The following EYS variants were observed in gnomAD, a reference collection of about 807,000 sequenced individuals.
EYS encodes EGF-like photoreceptor maintenance factor, also known as protein eyes shut homolog.
EYS carries 250 observed loss-of-function variants against 282.1 expected under a neutral mutation model. That is an observed-to-expected ratio of 0.89 (90% CI 0.80 to 0.98). The LOEUF is 0.98. Among genes scored for constraint, EYS ranks in the 50% least tolerant of loss-of-function variants. The pLI is 0.00. For synonymous variants in EYS, 1,355 were observed against 1,282.9 expected, an observed-to-expected ratio of 1.06 and a Z score of -1.20; for missense variants, 4,016 against 3,709.0, an observed-to-expected ratio of 1.08 and a Z score of -2.15.
intron 22 of EYS, among the ~76,000 whole-genome samples, chr6:64,802,139 T>C (rs747558808): frequency 1.1e-4 from 16 of 143,732 alleles, no homozygotes; most frequent in Non-Finnish European, 1.7e-4. Flanking sequence ...GTTCACGCCA[T>C]TCTCCTGCCT....
At chr6:64,596,991 A>G (rs1295836376) in intron 24 of EYS, among the ~76,000 whole-genome samples, 1 of 152,188 alleles carries the variant, frequency 6.6e-6, no homozygotes, top group African/African-American at 2.4e-5. Flanking sequence ...AAAATTTTAC[A>G]AGGACCTCAA....
intron 22 of EYS, among the ~76,000 whole-genome samples, chr6:64,788,335 A>G (rs1211424013): frequency 6.6e-6 from 1 of 152,064 alleles, no homozygotes; most frequent in Non-Finnish European, 1.5e-5. Context: ...AGTGACTGTG[A>G]TCTGGCAGCT....
chr6:65,457,912 C>A (rs1764686790), intron 5 of EYS, among the ~76,000 whole-genome samples: 1 of 152,100 alleles, frequency 6.6e-6, no homozygotes, highest in Admixed American at 6.6e-5. Context: ...TCAAGCTCAG[C>A]AAGTACAAAA....
chr6:64,342,862 T>C (rs1771183074), intron 29 of EYS, among the ~76,000 whole-genome samples: 1 of 151,954 alleles, frequency 6.6e-6, no homozygotes, highest in East Asian at 1.9e-4. Flanking sequence ...TGGAGGAAGA[T>C]CTACCAAGCA....
intron 12 of EYS, among the ~76,000 whole-genome samples, chr6:65,123,670 G>T (rs2150197594): frequency 6.6e-6 from 1 of 152,032 alleles, no homozygotes. Context: ...TTTCAAAAGT[G>T]AAAGCAGCTT....
At chr6:63,861,179 C>T (rs1450188598) in intron 36 of EYS, among the ~76,000 whole-genome samples, 1 of 152,142 alleles carries the variant, frequency 6.6e-6, no homozygotes. Context: ...CGGTTTCCTA[C>T]AAAAGAAGCT....
intron 31 of EYS, among the ~76,000 whole-genome samples, chr6:64,133,721 C>A (rs2150283426): frequency 6.6e-6 from 1 of 152,174 alleles, no homozygotes; most frequent in Middle Eastern, 3.4e-3. Context: ...TCCCTAGAAC[C>A]ATTTCTCCTA....
chr6:64,558,788 T>G (rs1393711806), intron 26 of EYS, among the ~76,000 whole-genome samples: 1 of 152,162 alleles, frequency 6.6e-6, no homozygotes, highest in Non-Finnish European at 1.5e-5. Context: ...TTGCTGTTAG[T>G]ATGTTGATAT....
At chr6:65,386,564 G>T (rs1451498599) in intron 7 of EYS, among the ~76,000 whole-genome samples, 1 of 151,854 alleles carries the variant, frequency 6.6e-6, no homozygotes, top group Non-Finnish European at 1.5e-5. Flanking sequence ...CAAGGAAAAA[G>T]AAAGTTTCAA....
chr6:64,514,612 T>C (rs1024755878), intron 26 of EYS, among the ~76,000 whole-genome samples: 7 of 151,812 alleles, frequency 4.6e-5, no homozygotes, highest in African/African-American at 1.7e-4. Flanking sequence ...ACATCCCCAG[T>C]TAATTTTCTC....
At chr6:63,769,689 T>C (rs1379557267) in intron 40 of EYS, among the ~76,000 whole-genome samples, 1 of 152,100 alleles carries the variant, frequency 6.6e-6, no homozygotes, top group African/African-American at 2.4e-5. Flanking sequence ...CTTCTGTGCA[T>C]TTAGAATGAA....
chr6:64,439,422 A>G, intron 26 of EYS, 70 bp from the exon 27 acceptor site: 2 of 1,031,114 alleles, frequency 1.9e-6, no homozygotes, highest in South Asian at 1.8e-5. Context: ...CACATTATTA[A>G]CATAGCATAT....
chr6:63,818,463 A>G (rs909418553), intron 36 of EYS, among the ~76,000 whole-genome samples: 3 of 152,134 alleles, frequency 2.0e-5, no homozygotes, highest in Non-Finnish European at 2.9e-5. Context: ...TTACCAGAAC[A>G]CTTTTTCACC....
At chr6:64,903,229 A>AT (rs755457979) in intron 16 of EYS, among the ~76,000 whole-genome samples, 4 of 152,204 alleles carry the variant, frequency 2.6e-5, no homozygotes, top group African/African-American at 2.4e-5. Context: ...TCTTGTTAAT[A>AT]TTTTTTCTGT....
At chr6:65,323,263 T>C (rs1206705511) in intron 11 of EYS, among the ~76,000 whole-genome samples, 1 of 144,400 alleles carries the variant, frequency 6.9e-6, no homozygotes, top group Non-Finnish European at 1.5e-5. Flanking sequence ...CATGATTCAC[T>C]TATCCCTCAC....
chr6:64,465,984 C>G (rs915474559), intron 26 of EYS, among the ~76,000 whole-genome samples: 1 of 151,614 alleles, frequency 6.6e-6, no homozygotes, highest in Non-Finnish European at 1.5e-5. Context: ...AAATGGCCAA[C>G]AGTATATGAA....
At chr6:64,958,058 T>G (rs778317933) in intron 14 of EYS, among the ~76,000 whole-genome samples, 1 of 152,092 alleles carries the variant, frequency 6.6e-6, no homozygotes, top group Non-Finnish European at 1.5e-5. Context: ...TGTAAAATGG[T>G]TTTAAGTTTG....
At chr6:64,536,967 A>G (rs1764536195) in intron 26 of EYS, among the ~76,000 whole-genome samples, 1 of 152,006 alleles carries the variant, frequency 6.6e-6, no homozygotes, top group Non-Finnish European at 1.5e-5. Flanking sequence ...TTTATGTATT[A>G]GAGCTAAATT....
At chr6:64,303,869 G>T (rs913128542) in intron 30 of EYS, among the ~76,000 whole-genome samples, 3 of 145,598 alleles carry the variant, frequency 2.1e-5, no homozygotes, top group Non-Finnish European at 4.5e-5. Flanking sequence ...AAAGCCTCAG[G>T]GTAGGGTTAC....
Sources: allele counts gnomAD v4.1 joint callset (sites outside exome capture counted in the v4.1 genomes callset), GRCh38; gene constraint gnomAD v4.1.1; transcripts MANE v1.5; gene names NCBI Gene and HGNC (gene_info 2026-07-23, HGNC 2026-07-21).